USP25: variants seen among roughly 807,000 people sequenced by gnomAD.
USP25 encodes the protein ubiquitin specific peptidase 25.
In USP25, 85 loss-of-function variants were observed where a neutral mutation model predicts 158.5. The ratio of observed to expected loss-of-function variants is 0.54; its 90% CI spans 0.45 to 0.64. The LOEUF is 0.64. Ranked by LOEUF, USP25 falls within the 30% of genes least tolerant of loss-of-function variation. USP25 has a pLI of 0.00. For synonymous variants in USP25, 464 were observed against 460.4 expected (o/e 1.01, Z -0.10); for missense variants, 1,242 against 1,327.3 (o/e 0.94, Z 1.00).
intron 1 of USP25, among the ~76,000 whole-genome samples, chr21:15,761,528 G>A (rs910549223): frequency 6.6e-5 from 10 of 152,178 alleles, no homozygotes; most frequent in Non-Finnish European, 1.2e-4. Flanking sequence ...GAGGCAAAAC[G>A]GTGGAGTTTA....
At chr21:15,841,872 AG>A (rs1313696997) in intron 17 of USP25, among the ~76,000 whole-genome samples, 1 of 152,154 alleles carries the variant, frequency 6.6e-6, no homozygotes, top group Non-Finnish European at 1.5e-5. Flanking sequence ...AAAGATGGAT[AG>A]GAGATATCGT....
intron 8 of USP25, among the ~76,000 whole-genome samples, chr21:15,810,737 A>G (rs1009292569): frequency 2.6e-5 from 4 of 152,170 alleles, no homozygotes; most frequent in Non-Finnish European, 4.4e-5. Context: ...TTTTGTAGAA[A>G]TGTATTCTGA....
chr21:15,843,645 A>G lies in USP25; in HGVS notation c.2337+1105A>G, dbSNP rs910552028. On this transcript the variant is annotated intron_variant, in intron 18 of 25. Transcript: ENST00000400183. The surrounding 1 kb of genome is among the most constrained non-coding windows in gnomAD (Gnocchi z 4.0). ...GAAGCTTTAAATGAATTTGATGTGA[A>G]CATCACTAACTCTAAAGCTTTTCCT... 2.0e-5 allele frequency among the ~76,000 whole-genome samples: 3 copies of G among 152,166 alleles called. No homozygotes were observed. The highest frequency in any genetic ancestry group is 4.4e-5 in the Non-Finnish European group (3 of 68,010).
At chr21:15,872,071 T>C (rs2039917767) in intron 23 of USP25, among the ~76,000 whole-genome samples, 1 of 149,058 alleles carries the variant, frequency 6.7e-6, no homozygotes, top group African/African-American at 2.5e-5. Context: ...GCAGTTATTG[T>C]AGCTAGCTGT....
At chr21:15,807,137 A>G (rs1016467467) in intron 7 of USP25, among the ~76,000 whole-genome samples, 2 of 152,162 alleles carry the variant, frequency 1.3e-5, no homozygotes, top group Non-Finnish European at 2.9e-5. Context: ...TATGTTGCCA[A>G]GCCTGGTCTC....
At chr21:15,818,585 A>G (rs1265683149) in intron 9 of USP25, 113 bp from the exon 10 acceptor site, 1 of 876,178 alleles carries the variant, frequency 1.1e-6, no homozygotes, top group Non-Finnish European at 1.7e-6. Context: ...CTTCTCAGGA[A>G]TGAAATCAGT....
At chr21:15,765,946 A>G (rs1020136403) in intron 2 of USP25, 51 bp from the exon 3 acceptor site, 4 of 1,547,354 alleles carry the variant, frequency 2.6e-6, no homozygotes, top group South Asian at 2.4e-5. Context: ...ACTTTTTTTG[A>G]TGGATAAAAT....
chr21:15,862,741 A>G lies in USP25; in HGVS notation c.2548-1527A>G, dbSNP rs149090377. 1.5e-3 allele frequency among the ~76,000 whole-genome samples: 199 copies of G among 129,684 alleles called. 2 individuals are homozygous for G. Among genetic ancestry groups the G allele is most frequent in the African/African-American group, 7.5e-3 (183 of 24,248 alleles). 85.1% of individuals were successfully genotyped at this position (129,684 alleles called of 152,430 possible). On this transcript the variant is annotated intron_variant, in intron 20 of 25. Transcript: ENST00000400183. ...CACATAAGACTTTGGAATGACATGT[A>G]TATCCTCAAAAAAAAAAAAGTCAGT... is the stretch of plus-strand genomic sequence containing the variant.
chr21:15,750,545 A>G (rs1045521374), intron 1 of USP25, among the ~76,000 whole-genome samples: 3 of 151,642 alleles, frequency 2.0e-5, no homozygotes, highest in African/African-American at 7.3e-5. Context: ...TATCCTTTTA[A>G]TAAGTGTTCA....
chr21:15,769,936 GTGGT>G (rs1568781324), intron 3 of USP25, among the ~76,000 whole-genome samples: 1 of 151,884 alleles, frequency 6.6e-6, no homozygotes, highest in Non-Finnish European at 1.5e-5. Context: ...TGAGTGACAG[GTGGT>G]AAGACTCTTC....
At chr21:15,840,890 T>G (rs1452411787) in intron 17 of USP25, among the ~76,000 whole-genome samples, 2 of 152,296 alleles carry the variant, frequency 1.3e-5, no homozygotes, top group Admixed American at 6.5e-5. Context: ...AGGAAAAGTT[T>G]TATCAACAAG....
intron 10 of USP25, among the ~76,000 whole-genome samples, chr21:15,822,303 G>A (rs2037275512): frequency 1.3e-5 from 2 of 151,978 alleles, no homozygotes; most frequent in African/African-American, 2.4e-5. Flanking sequence ...GAATGAGAAA[G>A]TGAAATCCTT....
rs878941415 is a variant in USP25 at position 15,874,591 on chromosome 21, CAT to C, written c.3009+71_3009+72del. On this transcript the variant is annotated intron_variant, in intron 24 of 25. Transcript: ENST00000400183. ...TGACATTGGGCAAGTTTTCCAGACT[CAT>C]ATATAAGTGATTGACTCCATAAACT... The C allele has an allele frequency of 4.8e-5, 71 of 1,465,020 alleles. No individual in the cohort carries two copies. In the South Asian group the frequency reaches 7.4e-4, roughly 15 times the overall value. The allele number at this position is 1,465,020 out of a possible 1,614,324, so 90.8% of individuals were successfully genotyped here.
intron 4 of USP25, among the ~76,000 whole-genome samples, chr21:15,783,037 CAA>C (rs1411838827): frequency 6.6e-6 from 1 of 151,192 alleles, no homozygotes; most frequent in Non-Finnish European, 1.5e-5. Flanking sequence ...AGAAATTGAA[CAA>C]AGATAGATAT....
At chr21:15,787,003 C>T (rs1028260752) in intron 4 of USP25, among the ~76,000 whole-genome samples, 1 of 151,952 alleles carries the variant, frequency 6.6e-6, no homozygotes, top group Non-Finnish European at 1.5e-5. Context: ...AAAACAATTT[C>T]ATTTACAAGA....
chr21:15,818,938 A>T (rs747965481), intron 10 of USP25, 92 bp downstream of exon 10: 19 of 1,372,406 alleles, frequency 1.4e-5, no homozygotes, highest in Non-Finnish European at 1.8e-5. Context: ...AGAGCTACCT[A>T]ATAATTGAGA....
intron 1 of USP25, among the ~76,000 whole-genome samples, chr21:15,734,843 G>A (rs1039568790): frequency 9.2e-5 from 14 of 152,014 alleles, no homozygotes; most frequent in African/African-American, 3.4e-4. Context: ...TTTTATGTCA[G>A]TAACATAAGA....
At chr21:15,742,692 A>G (rs2032168856) in intron 1 of USP25, among the ~76,000 whole-genome samples, 1 of 152,210 alleles carries the variant, frequency 6.6e-6, no homozygotes, top group East Asian at 1.9e-4. Context: ...TAAAATCCTC[A>G]ATTTTTGGAG....
At chr21:15,752,671 A>G (rs756950466) in intron 1 of USP25, among the ~76,000 whole-genome samples, 1 of 152,186 alleles carries the variant, frequency 6.6e-6, no homozygotes, top group Non-Finnish European at 1.5e-5. Flanking sequence ...TATTTCTCAT[A>G]AAGTATCTCA....
Sources: gnomAD v4.1 joint callset for allele counts (sites outside exome capture counted in the v4.1 genomes callset) on GRCh38, gnomAD v4.1.1 for gene constraint, Gnocchi (gnomAD v3.1) non-coding constraint, MANE v1.5 for transcripts, NCBI Gene and HGNC (gene_info 2026-07-23, HGNC 2026-07-21) for gene names.